Variants in RNF17 observed in about 807,000 individuals in gnomAD.
RNF17 encodes ring finger protein 17.
RNF17 carries 31 observed loss-of-function variants against 200.5 expected under a neutral mutation model. The ratio of observed to expected loss-of-function variants is 0.15; its 90% CI spans 0.12 to 0.21. RNF17 has a LOEUF of 0.21. Among genes scored for constraint, RNF17 ranks in the 10% least tolerant of loss-of-function variants. The pLI is 1.00. For missense variants in RNF17, 1,628 were observed against 1,905.1 expected, an observed-to-expected ratio of 0.85 and a Z score of 2.71; for synonymous variants, 606 against 637.8, an observed-to-expected ratio of 0.95 and a Z score of 0.75.
At chr13:24,867,274 T>A (rs1372120855) in intron 30 of RNF17, among the ~76,000 whole-genome samples, 1 of 152,226 alleles carries the variant, frequency 6.6e-6, no homozygotes, top group African/African-American at 2.4e-5. Flanking sequence ...GCAGCCCTCT[T>A]GCCTTTTTGC....
chr13:24,849,554 C>A (rs1891627502), intron 22 of RNF17, among the ~76,000 whole-genome samples: 1 of 152,176 alleles, frequency 6.6e-6, no homozygotes, highest in African/African-American at 2.4e-5. Context: ...GATTGGACAC[C>A]TCTGCAGTCA....
intron 7 of RNF17, among the ~76,000 whole-genome samples, 167 bp from the exon 8 acceptor site, chr13:24,789,181 C>A (rs9634408): frequency 0.17 from 26,136 of 152,050 alleles, 2,405 homozygotes; most frequent in South Asian, 0.32. Context: ...ATACATATCT[C>A]CAAAAGTCAT....
the RNF17 span, among the ~76,000 whole-genome samples, chr13:24,752,870 C>T: frequency 6.6e-6 from 1 of 152,204 alleles, no homozygotes; most frequent in Admixed American, 6.5e-5. Flanking sequence ...TTAGCCATTT[C>T]CCATTACCAG....
intron 15 of RNF17, among the ~76,000 whole-genome samples, chr13:24,822,763 C>A (rs1165677163): frequency 1.3e-5 from 2 of 152,092 alleles, no homozygotes; most frequent in African/African-American, 4.8e-5. Flanking sequence ...GAAACGAAAC[C>A]TAAAGGGTCG....
intron 18 of RNF17, 125 bp downstream of exon 18, chr13:24,832,103 T>C (rs1441543758): frequency 4.6e-6 from 3 of 659,298 alleles, no homozygotes; most frequent in African/African-American, 1.8e-5. Flanking sequence ...ATAAGATTTG[T>C]TGAGAATTAG....
chr13:24,825,754 T>A lies in RNF17; in HGVS notation c.2227T>A (p.Tyr743Asn). The A allele has an allele frequency of 6.2e-7, 1 of 1,613,448 alleles. No homozygotes were observed. Among genetic ancestry groups the A allele is most frequent in the Non-Finnish European group, 8.5e-7 (1 of 1,179,688 alleles). Residue 743 changes from tyrosine (Y) to asparagine (N), a missense_variant, in exon 16 of 36, where the codon TAC becomes AAC. Transcript: ENST00000255324. Reference protein sequence around the residue: ...CVAKFEDGIWYRAKVIGLPGH... With the variant: ...CVAKFEDGIWNRAKVIGLPGH... Reference sequence around the variant, plus strand: ...AGCTAAATTTGAAGATGGAATTTGGTACCGAGCAAAAGTTATCGGTAGGAG... The same window carrying A: ...AGCTAAATTTGAAGATGGAATTTGGAACCGAGCAAAAGTTATCGGTAGGAG...
At chr13:24,791,892 CT>C (rs1301187358) in intron 9 of RNF17, among the ~76,000 whole-genome samples, 1 of 152,068 alleles carries the variant, frequency 6.6e-6, no homozygotes, top group Non-Finnish European at 1.5e-5. Flanking sequence ...TTTTGGTAAT[CT>C]TTTTTGAATA....
Position 24,850,351 on chromosome 13 carries a change from G to A in RNF17, c.3112G>A (p.Gly1038Arg). The change falls in exon 23 of 36, where the codon GGG becomes AGG. Residue 1038 changes from glycine (G) to arginine (R), a missense_variant. Physicochemically the swap from Gly to Arg is moderately radical, Grantham distance 125. Around this residue, in one of 5 missense-constraint regions of RNF17, gnomAD observed 227 missense variants for 319.8 expected, o/e 0.71. Transcript: ENST00000255324. ...TGTTTTCTGTTGTAGACCAGCTGGT[G>A]GGAGTGACAAGTGGACAGCAACAGC... ...CSLVDIRPAG[G>R]SDKWTATACD... 6.2e-7 allele frequency: 1 copy of A among 1,611,772 alleles called. No homozygotes were observed. Among genetic ancestry groups the A allele is most frequent in the Non-Finnish European group, 8.5e-7 (1 of 1,178,212 alleles).
the RNF17 span, among the ~76,000 whole-genome samples, chr13:24,887,794 G>T: frequency 6.6e-6 from 1 of 152,192 alleles, no homozygotes; most frequent in African/African-American, 2.4e-5. Context: ...ATGCCAAAAA[G>T]GTTGGGGACT....
chr13:24,770,441 T>C (rs1880497949), intron 2 of RNF17, among the ~76,000 whole-genome samples: 1 of 152,312 alleles, frequency 6.6e-6, no homozygotes, highest in African/African-American at 2.4e-5. Flanking sequence ...TCTTAAACTA[T>C]CTGGAAGAAA....
intron 15 of RNF17, among the ~76,000 whole-genome samples, chr13:24,822,909 T>C (rs934529782): frequency 1.3e-5 from 2 of 152,232 alleles, no homozygotes; most frequent in African/African-American, 4.8e-5. Flanking sequence ...GGTCAGGAAT[T>C]CTTGACACTT....
downstream of RNF17, chr13:24,884,455 C>T (rs777321606): frequency 6.2e-7 from 1 of 1,614,062 alleles, no homozygotes; most frequent in South Asian, 1.1e-5. Context: ...TCTTATAAAC[C>T]TTTTCCACCT....
At chr13:24,768,375 C>T (rs934475303) in intron 2 of RNF17, among the ~76,000 whole-genome samples, 10 of 150,958 alleles carry the variant, frequency 6.6e-5, no homozygotes, top group Admixed American at 2.6e-4. Context: ...ACCTCCGCCT[C>T]CCAGGTCCAA....
intron 14 of RNF17, among the ~76,000 whole-genome samples, chr13:24,803,333 C>T (rs890808784): frequency 4.6e-5 from 7 of 152,112 alleles, no homozygotes; most frequent in African/African-American, 1.4e-4. Flanking sequence ...GTCTTCATCC[C>T]ATCACCCAGG....
rs1402902412 is a variant in RNF17, at chr13:24,852,538, G to A, written c.3320+967G>A. Among the ~76,000 whole-genome samples the A allele has an allele frequency of 3.9e-5, 6 of 152,170 alleles. No homozygotes were observed. In the East Asian group the frequency reaches 7.7e-4, roughly 20 times the overall value. ...CATATATGGCCAGATCTCCGTAGAT[G>A]TGTTTGCCTTAACTTATATCTTACC... On this transcript the variant is annotated intron_variant, in intron 24 of 35. Coordinates refer to ENST00000255324, the MANE Select transcript of RNF17 (RefSeq NM_031277.3).
the RNF17 span, chr13:24,885,129 T>C: frequency 1.5e-6 from 1 of 648,464 alleles, no homozygotes; most frequent in East Asian, 2.7e-5. Flanking sequence ...AGAGATTGTA[T>C]GCCGCCTTTT....
Position 24,854,753 on chromosome 13 carries a change from G to A in RNF17, c.3610+609G>A, listed in dbSNP as rs560392354. Among the ~76,000 whole-genome samples, 5 of 152,286 alleles carry A rather than the reference G, an allele frequency of 3.3e-5. No individual in the cohort carries two copies. The East Asian group carries it at 5.8e-4, about 18-fold the overall frequency. The stretch of plus-strand genomic sequence containing the variant: ...GATGACTCCCACAATGGGTCAATGT[G>A]CTGATCACATTAAAAATCACTAAAA... On this transcript the variant is annotated intron_variant, in intron 25 of 35. Transcript: ENST00000255324.
intron 1 of RNF17, 82 bp from the exon 2 acceptor site, chr13:24,767,190 C>G: frequency 1.0e-6 from 1 of 957,290 alleles, no homozygotes; most frequent in East Asian, 2.5e-5. Flanking sequence ...TGCCACTACA[C>G]TCCAGCTTGG....
At chr13:24,797,795 G>A (rs1884787563) in intron 11 of RNF17, among the ~76,000 whole-genome samples, 1 of 150,926 alleles carries the variant, frequency 6.6e-6, no homozygotes, top group African/African-American at 2.4e-5. Context: ...CCTGCCTTGT[G>A]CCCTGAGCTG....
Sources: allele counts gnomAD v4.1 joint callset (sites outside exome capture counted in the v4.1 genomes callset), GRCh38; gene constraint gnomAD v4.1.1; regional missense constraint gnomAD v4.1.1; transcripts MANE v1.5; gene names NCBI Gene and HGNC (gene_info 2026-07-23, HGNC 2026-07-21).